NRXN3: variants seen among roughly 807,000 people sequenced by gnomAD.
The protein encoded by NRXN3 is neurexin 3, also known as neurexin III.
NRXN3 carries 32 observed loss-of-function variants against 137.6 expected under a neutral mutation model. The ratio of observed to expected loss-of-function variants is 0.23; its 90% CI spans 0.18 to 0.31. The LOEUF is 0.31. Among genes scored for constraint, NRXN3 ranks in the 10% least tolerant of loss-of-function variants. The probability of loss-of-function intolerance (pLI) is 1.00; values close to 1 mark genes in which losing one functional copy is unlikely to be tolerated. For missense variants in NRXN3, 1,574 were observed against 2,062.5 expected, an observed-to-expected ratio of 0.76 and a Z score of 4.59; for synonymous variants, 798 against 784.5, an observed-to-expected ratio of 1.02 and a Z score of -0.29.
At chr14:78,183,578 G>T (rs1273632992) in intron 1 of NRXN3, among the ~76,000 whole-genome samples, 2 of 152,228 alleles carry the variant, frequency 1.3e-5, no homozygotes, top group Non-Finnish European at 2.9e-5. Context: ...AGGATGTGGA[G>T]TTCATTTCTT....
intron 16 of NRXN3, among the ~76,000 whole-genome samples, chr14:79,636,593 A>T (rs917490660): frequency 2.6e-5 from 4 of 152,100 alleles, no homozygotes; most frequent in African/African-American, 9.7e-5. Flanking sequence ...CTCTCAGATT[A>T]TTTTTTTATT....
At chr14:78,278,820 T>C (rs2073987787) in intron 3 of NRXN3, among the ~76,000 whole-genome samples, 158 bp downstream of exon 3, 3 of 152,230 alleles carry the variant, frequency 2.0e-5, no homozygotes, top group Non-Finnish European at 4.4e-5. Context: ...AATTAATGGA[T>C]TTGTATTGGT....
At chr14:79,715,728 AAGG>A (rs1246050654) in intron 19 of NRXN3, among the ~76,000 whole-genome samples, 3 of 152,232 alleles carry the variant, frequency 2.0e-5, no homozygotes, top group Admixed American at 6.5e-5. Context: ...CAGTGTGATA[AAGG>A]AGGACAGGCT....
intron 15 of NRXN3, among the ~76,000 whole-genome samples, chr14:79,020,496 C>T (rs568693591): frequency 6.9e-4 from 103 of 149,606 alleles, no homozygotes; most frequent in Non-Finnish European, 1.3e-3. Context: ...AATTCTCAAC[C>T]TCAGGTGATC....
rs1266797317 is a variant in NRXN3, at chr14:79,776,976, T to A, written c.4015-28136T>A. Among the ~76,000 whole-genome samples, 4 of 152,182 alleles carry A rather than the reference T, an allele frequency of 2.6e-5. No homozygotes were observed. The East Asian group carries it at 7.7e-4, about 29-fold the overall frequency. The stretch of plus-strand genomic sequence containing the variant: ...GGCAGGCAATTACATTTTTGTTCTC[T>A]TGCTTTCTGGCTCCTTCTCCCTCTC... On this transcript the variant is annotated intron_variant, in intron 19 of 20. Coordinates refer to ENST00000335750, the MANE Select transcript of NRXN3 (RefSeq NM_001330195.2).
At chr14:78,538,241 A>G (rs559646663) in intron 4 of NRXN3, among the ~76,000 whole-genome samples, 1 of 152,332 alleles carries the variant, frequency 6.6e-6, no homozygotes, top group East Asian at 1.9e-4. Flanking sequence ...CTTCCTATCC[A>G]TGAGCATGGA....
In NRXN3 at chr14:79,383,586, G is replaced by A. The variant is rs181970701; in HGVS notation, c.3263-83635G>A. On this transcript the variant is annotated intron_variant, in intron 15 of 20. Coordinates refer to ENST00000335750, the MANE Select transcript of NRXN3 (RefSeq NM_001330195.2). The stretch of plus-strand genomic sequence containing the variant: ...CCAAAAGCATATTGTTCAGCATTGC[G>A]AATTCACAATACTCACTGCTCCTCA... 2.8e-3 allele frequency among the ~76,000 whole-genome samples: 433 copies of A among 152,124 alleles called. 3 individuals are homozygous for A. The highest frequency in any genetic ancestry group is 9.9e-3 in the African/African-American group (410 of 41,488).
In NRXN3 at chr14:79,671,152, G is replaced by A. The variant is rs540185653; in HGVS notation, c.3616+7203G>A. Among the ~76,000 whole-genome samples the A allele has an allele frequency of 5.3e-5, 8 of 152,230 alleles. No homozygotes were observed. In the South Asian group the frequency reaches 1.0e-3, roughly 20 times the overall value. On this transcript the variant is annotated intron_variant, in intron 17 of 20. Coordinates refer to ENST00000335750, the MANE Select transcript of NRXN3 (RefSeq NM_001330195.2). ...TCTTGAAACCACCCATTAGGACAGC[G>A]TTGGTCTTATTCCCATTTTTTTAGA...
intron 6 of NRXN3, among the ~76,000 whole-genome samples, chr14:78,668,608 A>G (rs747699108): frequency 6.6e-6 from 1 of 152,172 alleles, no homozygotes; most frequent in African/African-American, 2.4e-5. Flanking sequence ...AATGCACAGG[A>G]CAGCCCTTCG....
intron 4 of NRXN3, chr14:78,602,436 C>T (rs2097209860): frequency 6.6e-6 from 1 of 152,222 alleles, no homozygotes; most frequent in Non-Finnish European, 1.5e-5. Context: ...TGACGTCCTT[C>T]CTTATTACTG....
chr14:78,750,454 T>A (rs987818729), intron 8 of NRXN3, among the ~76,000 whole-genome samples: 1 of 152,158 alleles, frequency 6.6e-6, no homozygotes, highest in African/African-American at 2.4e-5. Context: ...ATTGGAAAGT[T>A]GGGGTGAGAT....
At chr14:79,600,056 C>T (rs2097905943) in intron 16 of NRXN3, among the ~76,000 whole-genome samples, 1 of 152,086 alleles carries the variant, frequency 6.6e-6, no homozygotes. Flanking sequence ...TTACTAATTT[C>T]TCTATTTTGG....
intron 4 of NRXN3, among the ~76,000 whole-genome samples, chr14:78,475,078 A>G (rs898374683): frequency 6.6e-6 from 1 of 152,172 alleles, no homozygotes; most frequent in African/African-American, 2.4e-5. Flanking sequence ...TATCTATTTA[A>G]TCTCCAGTAG....
At chr14:78,700,780 T>TTTTC (rs201515344) in intron 6 of NRXN3, among the ~76,000 whole-genome samples, 7 of 152,056 alleles carry the variant, frequency 4.6e-5, no homozygotes, top group African/African-American at 9.7e-5. Flanking sequence ...AACTTTTTCT[T>TTTTC]TTTCTTTCTT....
At chr14:78,736,733 A>G (rs997811876) in intron 8 of NRXN3, among the ~76,000 whole-genome samples, 2 of 152,234 alleles carry the variant, frequency 1.3e-5, no homozygotes, top group Non-Finnish European at 2.9e-5. Flanking sequence ...AGAGAATAAA[A>G]AACTGACAAA....
At chr14:78,352,096 A>G (rs1260044695) in intron 4 of NRXN3, among the ~76,000 whole-genome samples, 1 of 144,934 alleles carries the variant, frequency 6.9e-6, no homozygotes, top group African/African-American at 2.5e-5. Context: ...TTAAAAGAAA[A>G]AAAAAAAAAA....
intron 15 of NRXN3, among the ~76,000 whole-genome samples, chr14:79,419,869 A>G (rs1315848509): frequency 2.6e-5 from 4 of 152,156 alleles, no homozygotes; most frequent in Admixed American, 2.0e-4. Context: ...CACAGGAAAG[A>G]GTGGTGAGAG....
At chr14:78,767,437 G>A (rs1250596712) in intron 8 of NRXN3, among the ~76,000 whole-genome samples, 1 of 152,202 alleles carries the variant, frequency 6.6e-6, no homozygotes, top group African/African-American at 2.4e-5. Flanking sequence ...ATCCTCAAGG[G>A]AGGGGAATCA....
At chr14:78,604,717 A>G (rs763544496) in intron 4 of NRXN3, among the ~76,000 whole-genome samples, 2 of 152,204 alleles carry the variant, frequency 1.3e-5, no homozygotes, top group Non-Finnish European at 2.9e-5. Flanking sequence ...AAGAGGCCCA[A>G]CCACTCATGT....
Sources: gnomAD v4.1 joint callset for allele counts (sites outside exome capture counted in the v4.1 genomes callset) on GRCh38, gnomAD v4.1.1 for gene constraint, MANE v1.5 for transcripts, NCBI Gene and HGNC (gene_info 2026-07-23, HGNC 2026-07-21) for gene names.